ANKRD30BL: variants seen among roughly 807,000 people sequenced by gnomAD.
ANKRD30BL encodes the protein ankyrin repeat domain 30B like.
ANKRD30BL carries 20 observed loss-of-function variants against 18.4 expected under a neutral mutation model. The observed-to-expected ratio is 1.09, with a 90% confidence interval of 0.77 to 1.58. The LOEUF (loss-of-function observed/expected upper bound fraction) is 1.58. Ranked by LOEUF, ANKRD30BL falls within the 40% of genes most tolerant of loss-of-function variation. ANKRD30BL has a pLI of 0.00. For missense variants in ANKRD30BL, 224 were observed against 268.6 expected (o/e 0.83, Z 1.16); for synonymous variants, 72 against 100.9 (o/e 0.71, Z 1.72).
chr2:132,197,835 C>T (rs1573832520), intron 1 of ANKRD30BL, among the ~76,000 whole-genome samples: 1 of 151,916 alleles, frequency 6.6e-6, no homozygotes, highest in East Asian at 1.9e-4. Context: ...TATTTACACA[C>T]TGTCTTATCT....
chr2:132,252,470 G>A (rs1337987535), intron 1 of ANKRD30BL, among the ~76,000 whole-genome samples: 2 of 151,168 alleles, frequency 1.3e-5, no homozygotes, highest in Non-Finnish European at 3.0e-5. Context: ...CCATGGCCAT[G>A]AGCACTGCCA....
Position 132,209,709 on chromosome 2 carries a change from G to A in ANKRD30BL, n.441+47820C>T, listed in dbSNP as rs558452061. On this transcript the variant is annotated intron_variant and non_coding_transcript_variant, in intron 1 of 4. Transcript: ENST00000470729. Reference sequence around the variant, plus strand: ...CTTCAAATAAAAACTACACAGAAGCGTTCTGAGAAAGTTCTTTGTGATGTG... The same window carrying A: ...CTTCAAATAAAAACTACACAGAAGCATTCTGAGAAAGTTCTTTGTGATGTG... 2.5e-4 allele frequency among the ~76,000 whole-genome samples: 38 copies of A among 150,808 alleles called. No individual in the cohort carries two copies. The South Asian group carries it at 4.0e-3, about 16-fold the overall frequency.
At chr2:132,208,579 A>G (rs963758028) in intron 1 of ANKRD30BL, among the ~76,000 whole-genome samples, 19 of 152,166 alleles carry the variant, frequency 1.2e-4, no homozygotes. Context: ...ACAGCTAAAT[A>G]GTGAAGACAC....
upstream of ANKRD30BL, among the ~76,000 whole-genome samples, chr2:132,166,011 A>C (rs1271227747): frequency 1.3e-5 from 2 of 152,056 alleles, no homozygotes; most frequent in Non-Finnish European, 2.9e-5. Flanking sequence ...GTTTTCTGAG[A>C]GTTTCTCAAA....
intron 1 of ANKRD30BL, among the ~76,000 whole-genome samples, chr2:132,214,621 C>T (rs1050896252): frequency 6.6e-6 from 1 of 151,904 alleles, no homozygotes; most frequent in African/African-American, 2.4e-5. Flanking sequence ...GTACTATCTG[C>T]AAGTGGACAT....
rs1392451243 is a variant in ANKRD30BL at position 132,187,184 on chromosome 2, G to GTTTTTTTTTTTTT, written n.442-30039_442-30038insAAAAAAAAAAAAA. ...TAGGAAGTTTTTTGTTTTTTTTTTT[G>GTTTTTTTTTTTTT]TTTGTTTTTTTTTTTTTTTTTTTTT... On this transcript the variant is annotated intron_variant and non_coding_transcript_variant, in intron 1 of 4. Transcript: ENST00000470729. Among the ~76,000 whole-genome samples the GTTTTTTTTTTTTT allele has an allele frequency of 4.8e-4, 51 of 105,326 alleles. 1 individual carries two copies. The highest frequency in any genetic ancestry group is 1.6e-3 in the South Asian group (5 of 3,220). The allele number at this position is 105,326 out of a possible 152,430, so 69.1% of individuals were successfully genotyped here. A position where few individuals can be genotyped will look rare whatever the true frequency, so the allele number is the denominator to read the frequency against.
chr2:132,158,704 TATAA>T (rs1687976497), intron 1 of ANKRD30BL, among the ~76,000 whole-genome samples: 2 of 150,640 alleles, frequency 1.3e-5, no homozygotes, highest in African/African-American at 4.9e-5. Context: ...AAAAAACTGC[TATAA>T]ATAAAGCACT....
chr2:132,257,041 CGCA>C (rs1558746645), intron 1 of ANKRD30BL: 1 of 516,882 alleles, frequency 1.9e-6, no homozygotes, highest in Non-Finnish European at 3.9e-6. Flanking sequence ...AGGGAGGTAC[CGCA>C]GCGACCCGCC....
chr2:132,240,969 A>T (rs796806141), intron 1 of ANKRD30BL, among the ~76,000 whole-genome samples: 2 of 151,636 alleles, frequency 1.3e-5, no homozygotes, highest in African/African-American at 4.8e-5. Flanking sequence ...GGATATTTGG[A>T]TAGCTTTGAG....
At chr2:132,195,975 A>G (rs1360280009) in intron 1 of ANKRD30BL, among the ~76,000 whole-genome samples, 1 of 150,936 alleles carries the variant, frequency 6.6e-6, no homozygotes, top group Non-Finnish European at 1.5e-5. Flanking sequence ...CCCTCTCTCT[A>G]CTAAAAATAC....
rs541534252 is a variant in ANKRD30BL at position 132,209,903 on chromosome 2, G to A, written n.441+47626C>T. On this transcript the variant is annotated intron_variant and non_coding_transcript_variant, in intron 1 of 4. Transcript: ENST00000470729. Reference sequence around the variant, plus strand: ...GCATTCTGAGAAACTTCTTTGTGATGTGTGCATTCATCTCACAGAGTTGAA... The same window carrying A: ...GCATTCTGAGAAACTTCTTTGTGATATGTGCATTCATCTCACAGAGTTGAA... Among the ~76,000 whole-genome samples, 629 of 150,636 alleles carry A rather than the reference G, an allele frequency of 4.2e-3. 3 individuals carry two copies. The highest frequency in any genetic ancestry group is 0.014 in the African/African-American group (567 of 41,136).
At chr2:132,239,712 C>T (rs866588796) in intron 1 of ANKRD30BL, among the ~76,000 whole-genome samples, 12 of 151,908 alleles carry the variant, frequency 7.9e-5, no homozygotes, top group African/African-American at 2.9e-4. Context: ...CAGAGTTGAA[C>T]ATTCCCTTTC....
In ANKRD30BL at chr2:132,232,703, T is replaced by G. The variant is rs186408536; in HGVS notation, n.441+24826A>C. Among the ~76,000 whole-genome samples the G allele has an allele frequency of 1.6e-4, 25 of 152,162 alleles. 1 individual carries two copies. In the Middle Eastern group the frequency reaches 0.014, roughly 83 times the overall value. ...GACTATGTGAAAAGACCAAATCTAC[T>G]TCTGATTGGTGTACCTGAAAGTGAT... On this transcript the variant is annotated intron_variant and non_coding_transcript_variant, in intron 1 of 4. Coordinates refer to the ANKRD30BL transcript ENST00000470729.
intron 1 of ANKRD30BL, among the ~76,000 whole-genome samples, chr2:132,234,840 G>T (rs924056953): frequency 6.6e-6 from 1 of 152,238 alleles, no homozygotes; most frequent in South Asian, 2.1e-4. Flanking sequence ...ATTTTATGAG[G>T]CCAGCATCAT....
At chr2:132,232,151 A>G (rs1232490208) in intron 1 of ANKRD30BL, among the ~76,000 whole-genome samples, 1 of 152,240 alleles carries the variant, frequency 6.6e-6, no homozygotes, top group African/African-American at 2.4e-5. Flanking sequence ...AAACTAACAA[A>G]CAGAAAGGAC....
intron 1 of ANKRD30BL, among the ~76,000 whole-genome samples, chr2:132,173,246 C>T (rs897449636): frequency 6.7e-6 from 1 of 150,270 alleles, no homozygotes; most frequent in Admixed American, 6.6e-5. Context: ...TTATATTTTG[C>T]CTGTGGATAT....
In ANKRD30BL at chr2:132,255,735, T is replaced by C. The variant is rs1680813098; in HGVS notation, n.441+1794A>G. On this transcript the variant is annotated intron_variant and non_coding_transcript_variant, in intron 1 of 4. Transcript: ENST00000470729. ...TTGAGTGTCTGCTGCCTTCCTTGAATGTGGTAGCCATTTCTCAGGCTCCTT... is the reference window on the plus strand; with the variant it reads ...TTGAGTGTCTGCTGCCTTCCTTGAACGTGGTAGCCATTTCTCAGGCTCCTT... Among the ~76,000 whole-genome samples the C allele has an allele frequency of 3.9e-5, 6 of 152,320 alleles. No individual in the cohort carries two copies. The South Asian group carries it at 1.2e-3, about 32-fold the overall frequency.
At chr2:132,229,397 C>A (rs1364035144) in intron 1 of ANKRD30BL, among the ~76,000 whole-genome samples, 2 of 152,112 alleles carry the variant, frequency 1.3e-5, no homozygotes, top group African/African-American at 4.8e-5. Flanking sequence ...TTTGTAGAAT[C>A]TGCAAGTGGA....
intron 1 of ANKRD30BL, among the ~76,000 whole-genome samples, chr2:132,185,310 C>A (rs1036626787): frequency 2.2e-4 from 33 of 152,270 alleles, no homozygotes; most frequent in African/African-American, 7.9e-4. Context: ...ATTCTCACCA[C>A]CAGAGAGAAG....
Sources: allele counts gnomAD v4.1 joint callset (sites outside exome capture counted in the v4.1 genomes callset), GRCh38; gene constraint gnomAD v4.1.1; transcripts MANE v1.5; gene names NCBI Gene and HGNC (gene_info 2026-07-23, HGNC 2026-07-21).